The following USH2A variants were observed in gnomAD, a reference collection of about 807,000 sequenced individuals.
USH2A encodes the protein Usher syndrome 2A (autosomal recessive, mild).
USH2A carries 443 observed loss-of-function variants against 538.9 expected under a neutral mutation model. That is an observed-to-expected ratio of 0.82 (90% CI 0.76 to 0.89). The LOEUF (loss-of-function observed/expected upper bound fraction) is 0.89, where lower values mean the gene tolerates loss of function less well. Among genes scored for constraint, USH2A ranks in the 40% least tolerant of loss-of-function variants. The pLI, the probability that USH2A is intolerant of heterozygous loss-of-function variation, is 0.00. For synonymous variants in USH2A, 2,413 were observed against 2,273.5 expected, an observed-to-expected ratio of 1.06 and a Z score of -1.75; for missense variants, 6,633 against 6,324.8, an observed-to-expected ratio of 1.05 and a Z score of -1.65.
At chr1:216,287,045 A>T (rs1043179016) in intron 11 of USH2A, among the ~76,000 whole-genome samples, 1 of 152,216 alleles carries the variant, frequency 6.6e-6, no homozygotes, top group African/African-American at 2.4e-5. Flanking sequence ...AATCCTTAGC[A>T]AAATTTTAGC....
chr1:215,646,272 G>A (rs568150100), intron 67 of USH2A, among the ~76,000 whole-genome samples: 2 of 151,932 alleles, frequency 1.3e-5, no homozygotes, highest in Admixed American at 1.3e-4. Flanking sequence ...TTACTGTCTT[G>A]GAATTCTTAA....
chr1:216,011,230 T>C (rs1486747532), intron 32 of USH2A, among the ~76,000 whole-genome samples: 1 of 152,138 alleles, frequency 6.6e-6, no homozygotes, highest in Non-Finnish European at 1.5e-5. Flanking sequence ...CCACAATCCA[T>C]TATTCTGTTC....
chr1:216,237,757 TG>T (rs1438910193), intron 13 of USH2A, among the ~76,000 whole-genome samples: 1 of 152,218 alleles, frequency 6.6e-6, no homozygotes, highest in Non-Finnish European at 1.5e-5. Flanking sequence ...TTATCATCTT[TG>T]TAATTGTCAA....
At chr1:215,652,921 C>T (rs902719556) in intron 64 of USH2A, among the ~76,000 whole-genome samples, 1 of 152,050 alleles carries the variant, frequency 6.6e-6, no homozygotes, top group Non-Finnish European at 1.5e-5. Flanking sequence ...GAAAGTGCAA[C>T]TAGGTATAAT....
chr1:215,900,026 A>G (rs200749136), intron 40 of USH2A, 49 bp downstream of exon 40: 1 of 1,612,634 alleles, frequency 6.2e-7, no homozygotes, highest in Non-Finnish European at 8.5e-7. Flanking sequence ...AGACATTTTA[A>G]GCTCCCTATG....
intron 13 of USH2A, among the ~76,000 whole-genome samples, chr1:216,233,398 T>C (rs58514860): frequency 0.027 from 4,053 of 152,234 alleles, 191 homozygotes; most frequent in African/African-American, 0.091. Context: ...CTGTTACAAA[T>C]GCATAGCATC....
At position 215,916,701 on chromosome 1, in the gene USH2A, G is replaced by T. The variant is rs1408238841; in HGVS notation, c.7301-15796C>A. Among the ~76,000 whole-genome samples, 4 of 152,084 alleles carry T rather than the reference G, an allele frequency of 2.6e-5. No homozygotes were observed. In the East Asian group the frequency reaches 7.7e-4, roughly 29 times the overall value. ...AGAAGCAAGAATATCCCCAGTTACA[G>T]TATATAATAGGAGTAATATAGAAAG... On this transcript the variant is annotated intron_variant, in intron 38 of 71. Transcript: ENST00000307340.
chr1:216,150,904 G>A (rs1558285933), intron 21 of USH2A, among the ~76,000 whole-genome samples: 1 of 152,028 alleles, frequency 6.6e-6, no homozygotes, highest in Non-Finnish European at 1.5e-5. Context: ...AACAATTGGA[G>A]CCTTCCAGCT....
At chr1:215,794,655 T>A (rs1447279960) in intron 50 of USH2A, among the ~76,000 whole-genome samples, 1 of 152,212 alleles carries the variant, frequency 6.6e-6, no homozygotes, top group Non-Finnish European at 1.5e-5. Flanking sequence ...AAAACTATTA[T>A]TCCTTAAGTC....
chr1:216,224,607 T>C (rs1434224538), intron 14 of USH2A, among the ~76,000 whole-genome samples: 1 of 152,160 alleles, frequency 6.6e-6, no homozygotes, highest in Non-Finnish European at 1.5e-5. Flanking sequence ...AAGTCATTGT[T>C]GTGTTGCCTG....
At chr1:215,899,889 G>A (rs952109784) in intron 40 of USH2A, among the ~76,000 whole-genome samples, 186 bp downstream of exon 40, 1 of 152,042 alleles carries the variant, frequency 6.6e-6, no homozygotes, top group African/African-American at 2.4e-5. Context: ...AACCCTCCAA[G>A]ACCACATTAT....
chr1:216,023,801 T>C (rs1668900980), intron 32 of USH2A, among the ~76,000 whole-genome samples: 1 of 152,112 alleles, frequency 6.6e-6, no homozygotes, highest in Admixed American at 6.6e-5. Flanking sequence ...ATGCTTTTAT[T>C]TGTACGATGA....
At chr1:216,154,583 G>T (rs117088238) in intron 21 of USH2A, among the ~76,000 whole-genome samples, 1 of 152,028 alleles carries the variant, frequency 6.6e-6, no homozygotes, top group African/African-American at 2.4e-5. Flanking sequence ...GGTTCAGTTC[G>T]ATATGTTTTG....
chr1:215,783,041 A>AGAGC, intron 52 of USH2A, 106 bp from the exon 53 acceptor site: 1 of 1,028,836 alleles, frequency 9.7e-7, no homozygotes, highest in Non-Finnish European at 1.4e-6. Flanking sequence ...ATAAATGTTT[A>AGAGC]ATGCTCTAAA....
At chr1:215,782,588 T>A in intron 53 of USH2A, 150 bp downstream of exon 53, 1 of 855,338 alleles carries the variant, frequency 1.2e-6, no homozygotes. Flanking sequence ...AAGTGAGTGA[T>A]TAGTTGTCAC....
intron 62 of USH2A, among the ~76,000 whole-genome samples, chr1:215,677,405 A>G (rs1658068832): frequency 6.6e-6 from 1 of 152,160 alleles, no homozygotes; most frequent in Admixed American, 6.6e-5. Context: ...CCCATCCCAC[A>G]GTCTCCACCT....
chr1:216,246,146 G>A (rs2036040151), intron 13 of USH2A, among the ~76,000 whole-genome samples: 1 of 152,162 alleles, frequency 6.6e-6, no homozygotes. Flanking sequence ...TATAAAACTA[G>A]AACATATAGC....
intron 37 of USH2A, among the ~76,000 whole-genome samples, chr1:215,961,702 T>C (rs1667205159): frequency 6.6e-6 from 1 of 151,808 alleles, no homozygotes; most frequent in South Asian, 2.1e-4. Context: ...CACGTATTTA[T>C]TAATAAAGAT....
chr1:215,844,113 G>C (rs935669100), intron 46 of USH2A, among the ~76,000 whole-genome samples, 181 bp downstream of exon 46: 2 of 152,100 alleles, frequency 1.3e-5, no homozygotes, highest in African/African-American at 4.8e-5. Flanking sequence ...TCTCTCCAGA[G>C]ACTCACATGT....
Sources: allele counts gnomAD v4.1 joint callset (sites outside exome capture counted in the v4.1 genomes callset), GRCh38; gene constraint gnomAD v4.1.1; transcripts MANE v1.5; gene names NCBI Gene and HGNC (gene_info 2026-07-23, HGNC 2026-07-21).